KCNH2: variants seen among roughly 807,000 people sequenced by gnomAD.
The protein encoded by KCNH2 is potassium voltage-gated channel subfamily H member 2.
A neutral mutation model predicts 95.9 loss-of-function variants in KCNH2; 35 were observed. That is an observed-to-expected ratio of 0.37 (90% confidence interval 0.28 to 0.48). KCNH2 has a LOEUF of 0.48. Among genes scored for constraint, KCNH2 ranks in the 20% least tolerant of loss-of-function variants. The probability of loss-of-function intolerance (pLI) is 0.99; values close to 1 mark genes in which losing one functional copy is unlikely to be tolerated. For missense variants in KCNH2, 1,274 were observed against 1,702.9 expected (o/e 0.75, Z 4.43); for synonymous variants, 786 against 754.7 (o/e 1.04, Z -0.68).
intron 2 of KCNH2, among the ~76,000 whole-genome samples, chr7:150,973,092 C>T (rs1427548667): frequency 6.6e-6 from 1 of 152,164 alleles, no homozygotes; most frequent in African/African-American, 2.4e-5. Flanking sequence ...TAGAAACAGG[C>T]CCAGGGAAGT....
chr7:150,964,692 C>T (rs1202945674), intron 2 of KCNH2, among the ~76,000 whole-genome samples: 2 of 152,232 alleles, frequency 1.3e-5, no homozygotes, highest in Non-Finnish European at 2.9e-5. Flanking sequence ...TCGCCCTAGT[C>T]GCCTCCCTGC....
intron 11 of KCNH2, 37 bp downstream of exon 11, chr7:150,948,407 T>TTC (rs1584846542): frequency 4.7e-5 from 57 of 1,219,266 alleles, no homozygotes; most frequent in Admixed American, 3.6e-4. Flanking sequence ...CCTCACCTTG[T>TTC]CCCCGCCCTC....
rs574529725 is a variant in KCNH2 at position 150,947,927 on chromosome 7, G to A, written c.2693-49C>T. ...TCAGAGAGGGGAGGAGAACAGAGAG[G>A]AGGGGGCGAGGGTGGAGGAGGGGAC... On this transcript the variant is annotated intron_variant, in intron 11 of 14. Transcript: ENST00000262186. 1.4e-3 allele frequency: 2,045 copies of A among 1,513,382 alleles called. 1 individual carries two copies. Among genetic ancestry groups the A allele is most frequent in the Non-Finnish European group, 1.7e-3 (1,927 of 1,136,668 alleles). 93.7% of individuals were successfully genotyped at this position (1,513,382 alleles called of 1,614,324 possible).
chr7:150,949,905 T>A, intron 9 of KCNH2: 1 of 1,470,692 alleles, frequency 6.8e-7, no homozygotes, highest in South Asian at 1.3e-5. Context: ...GATCCTACTT[T>A]AAGGAAGCAA....
Position 150,952,298 on chromosome 7 carries a change from G to GTCTT in KCNH2, c.1557+123_1557+126dup, listed in dbSNP as rs112283042. On this transcript the variant is annotated intron_variant, in intron 6 of 14. Transcript: ENST00000262186. This position sits in a 1 kb window ranked among gnomAD's most constrained non-coding sequence, Gnocchi z 7.3. ...CTTGCCACCATGTCTCTCTCCCACT[G>GTCTT]TCTTTCTCTCTTTCTCTCTCTCTCT... is the stretch of plus-strand genomic sequence containing the variant. The GTCTT allele has an allele frequency of 1.1e-5, 11 of 1,013,386 alleles. No homozygotes were observed. The highest frequency in any genetic ancestry group is 2.8e-5 in the South Asian group (2 of 70,706). The allele number at this position is 1,013,386 out of a possible 1,614,324, so 62.8% of individuals were successfully genotyped here.
chr7:150,957,874 G>C (rs1801430687), intron 4 of KCNH2, among the ~76,000 whole-genome samples, 185 bp downstream of exon 4: 1 of 152,234 alleles, frequency 6.6e-6, no homozygotes, highest in African/African-American at 2.4e-5. Context: ...AATGTAATGG[G>C]ATGAATGGAC....
Position 150,947,427 on chromosome 7 carries a change from G to A in KCNH2, c.3053C>T (p.Pro1018Leu), listed in dbSNP as rs866657878. ...GGGGATGTTGAGGAGGCTGGGGGTG[G>A]GGGCGGGGCATCGAGGGAGCTCCTG... ...QYQELPRCPA[P>L]TPSLLNIPLS... Residue 1018 changes from proline to leucine, a missense_variant, in exon 13 of 15, where the codon CCC becomes CTC. By Grantham distance (98) the Pro-to-Leu change is moderately conservative. Around this residue, in one of 7 missense-constraint regions of KCNH2, gnomAD observed 457 missense variants for 416.1 expected, o/e 1.10. Transcript: ENST00000262186. 5 of 1,556,114 alleles carry A rather than the reference G, an allele frequency of 3.2e-6. No homozygotes were observed. The highest frequency in any genetic ancestry group is 1.2e-5 in the South Asian group (1 of 84,554).
At chr7:150,976,983 G>A (rs150530646) in intron 1 of KCNH2, among the ~76,000 whole-genome samples, 7 of 152,054 alleles carry the variant, frequency 4.6e-5, no homozygotes, top group Non-Finnish European at 1.0e-4. Context: ...AACTCCCAGG[G>A]CCCTTGGCAG....
intron 2 of KCNH2, among the ~76,000 whole-genome samples, chr7:150,967,265 T>A (rs1296779769): frequency 3.3e-5 from 5 of 151,946 alleles, no homozygotes; most frequent in African/African-American, 1.2e-4. Flanking sequence ...GGCAACAGAG[T>A]AAGACTCCAT....
chr7:150,957,510 G>C lies in KCNH2; in HGVS notation c.917-8C>G, dbSNP rs41313086. On this transcript the variant is annotated splice_region_variant and splice_polypyrimidine_tract_variant and intron_variant, in intron 4 of 14. Transcript: ENST00000262186. Reference sequence around the variant, plus strand: ...GCAGTGGGTGCATGGCCCCTAGGTGGAGAGGCAGCGTGGTCAGGCCAGCAG... The same window carrying C: ...GCAGTGGGTGCATGGCCCCTAGGTGCAGAGGCAGCGTGGTCAGGCCAGCAG... 2 of 1,598,592 alleles carry C rather than the reference G, an allele frequency of 1.3e-6. No homozygotes were observed. Among genetic ancestry groups the C allele is most frequent in the Non-Finnish European group, 1.7e-6 (2 of 1,175,848 alleles).
Position 150,977,824 on chromosome 7 carries a change from CCTCCCCCACTCA to C in KCNH2, c.76+2_76+13del. 6.4e-7 allele frequency: 1 copy of C among 1,564,768 alleles called. No homozygotes were observed. The highest frequency in any genetic ancestry group is 8.7e-7 in the Non-Finnish European group (1 of 1,147,616). On this transcript the variant is annotated splice_donor_variant and splice_donor_5th_base_variant and intron_variant, in intron 1 of 14. Transcript: ENST00000262186. LOFTEE classifies it high-confidence loss of function. ...CCAGAGCCCCCTCCCCGCTCAGCCC[CCTCCCCCACTCA>C]CTCTGGCCCTCAAACTTGCGGATGA...
intron 2 of KCNH2, among the ~76,000 whole-genome samples, chr7:150,965,065 C>A (rs555916808): frequency 6.6e-6 from 1 of 151,148 alleles, no homozygotes; most frequent in Admixed American, 6.6e-5. Flanking sequence ...TGTGTGTGTG[C>A]GCGCGTGTGT....
intron 9 of KCNH2, chr7:150,949,563 G>T: frequency 2.0e-6 from 2 of 1,006,908 alleles, no homozygotes; most frequent in Non-Finnish European, 2.4e-6. Flanking sequence ...GTGTATTTGT[G>T]TTTGTACAGA....
chr7:150,966,588 A>C (rs1801713055), intron 2 of KCNH2, among the ~76,000 whole-genome samples: 1 of 152,182 alleles, frequency 6.6e-6, no homozygotes, highest in African/African-American at 2.4e-5. Flanking sequence ...TCAACAGATA[A>C]ACAATTAGAA....
At position 150,946,891 on chromosome 7, in the gene KCNH2, C is replaced by T. The variant is rs1800909750; in HGVS notation, c.3316G>A (p.Asp1106Asn). ...PVSPLPTLTL[D>N]SLSQVSQFMA... is the part of the protein sequence containing the mutation. Reference sequence around the variant, plus strand: ...CTGGAGCTTACCTGAGAAAGCGAGTCCAAGGTGAGGGTGGGGAGGGGGCTG... The same window carrying T: ...CTGGAGCTTACCTGAGAAAGCGAGTTCAAGGTGAGGGTGGGGAGGGGGCTG... The change falls in exon 14 of 15, where the codon GAC becomes AAC. Residue 1106 changes from aspartate (D) to asparagine (N), a missense_variant. Asp to Asn is a conservative substitution (Grantham distance 23). Coordinates refer to ENST00000262186, the MANE Select transcript of KCNH2 (RefSeq NM_000238.4). The surrounding 1 kb of genome is among the most constrained non-coding windows in gnomAD (Gnocchi z 6.5). 1.9e-6 allele frequency: 3 copies of T among 1,597,992 alleles called. No individual in the cohort carries two copies. The highest frequency in any genetic ancestry group is 2.6e-6 in the Non-Finnish European group (3 of 1,169,450).
At chr7:150,972,557 C>T (rs41311030) in intron 2 of KCNH2, among the ~76,000 whole-genome samples, 1 of 152,336 alleles carries the variant, frequency 6.6e-6, no homozygotes, top group Admixed American at 6.5e-5. Context: ...TGTTGGCCAA[C>T]AGGAGACACC....
intron 2 of KCNH2, among the ~76,000 whole-genome samples, chr7:150,963,058 G>A (rs150986119): frequency 1.3e-5 from 2 of 152,148 alleles, no homozygotes; most frequent in East Asian, 1.9e-4. Flanking sequence ...TTCTCCCACC[G>A]ACTCGCCCTG....
intron 2 of KCNH2, among the ~76,000 whole-genome samples, chr7:150,963,641 C>G (rs1489554227): frequency 1.3e-5 from 2 of 149,194 alleles, no homozygotes; most frequent in Non-Finnish European, 3.0e-5. Flanking sequence ...GCTGAAGACA[C>G]CTTACTTTGG....
rs1303347235 is a variant in KCNH2, at chr7:150,946,403, A to T, written c.3330+474T>A. Among the ~76,000 whole-genome samples, 4 of 152,152 alleles carry T rather than the reference A, an allele frequency of 2.6e-5. No individual in the cohort carries two copies. The highest frequency in any genetic ancestry group is 9.7e-5 in the African/African-American group (4 of 41,426). ...GTGACAGCCACTGCCAAGGGCAAGG[A>T]TGGGCAGGACGGTGAGACCAGGGAG... On this transcript the variant is annotated intron_variant, in intron 14 of 14. Coordinates refer to ENST00000262186, the MANE Select transcript of KCNH2 (RefSeq NM_000238.4). This position sits in a 1 kb window ranked among gnomAD's most constrained non-coding sequence, Gnocchi z 6.5.
Sources: gnomAD v4.1 joint callset for allele counts (sites outside exome capture counted in the v4.1 genomes callset) on GRCh38, gnomAD v4.1.1 for gene constraint, gnomAD v4.1.1 regional missense constraint, Gnocchi (gnomAD v3.1) non-coding constraint, MANE v1.5 for transcripts, NCBI Gene and HGNC (gene_info 2026-07-23, HGNC 2026-07-21) for gene names.